TMEM132D: variants seen among roughly 807,000 people sequenced by gnomAD.
TMEM132D encodes transmembrane protein 132D.
A neutral mutation model predicts 62.3 loss-of-function variants in TMEM132D; 21 were observed. The observed-to-expected ratio is 0.34, with a 90% CI of 0.24 to 0.49. TMEM132D has a LOEUF of 0.49. TMEM132D is among the 20% of genes least tolerant of loss of function. TMEM132D has a pLI of 0.99. For missense variants in TMEM132D, 1,346 were observed against 1,402.8 expected, an observed-to-expected ratio of 0.96 and a Z score of 0.65; for synonymous variants, 621 against 575.6, an observed-to-expected ratio of 1.08 and a Z score of -1.13.
intron 1 of TMEM132D, among the ~76,000 whole-genome samples, chr12:129,815,466 C>G (rs945907982): frequency 6.6e-6 from 1 of 152,222 alleles, no homozygotes; most frequent in Admixed American, 6.5e-5. Flanking sequence ...CGAACCCAAG[C>G]CTACAGCTAT....
intron 5 of TMEM132D, chr12:129,085,994 A>G (rs1279936354): frequency 6.6e-6 from 1 of 152,228 alleles, no homozygotes; most frequent in African/African-American, 2.4e-5. Context: ...CTTGGTATCT[A>G]TAAACGTTAC....
At chr12:129,405,199 A>G (rs989296010) in intron 3 of TMEM132D, among the ~76,000 whole-genome samples, 3 of 152,072 alleles carry the variant, frequency 2.0e-5, no homozygotes, top group Admixed American at 2.0e-4. Context: ...GGTTCTGCTG[A>G]TTTGGCTCCT....
chr12:129,092,184 A>G (rs1316727173), intron 5 of TMEM132D, among the ~76,000 whole-genome samples: 1 of 152,148 alleles, frequency 6.6e-6, no homozygotes, highest in African/African-American at 2.4e-5. Context: ...ATAATCCGGC[A>G]CTTATGTGAA....
At chr12:129,811,598 C>T (rs768950196) in intron 1 of TMEM132D, among the ~76,000 whole-genome samples, 1 of 151,730 alleles carries the variant, frequency 6.6e-6, no homozygotes, top group African/African-American at 2.4e-5. Flanking sequence ...TGTGAGTGTG[C>T]GACCTTACCT....
chr12:129,606,390 T>TA (rs1878625810), intron 2 of TMEM132D, among the ~76,000 whole-genome samples: 2 of 152,106 alleles, frequency 1.3e-5, no homozygotes, highest in Non-Finnish European at 2.9e-5. Flanking sequence ...AGAGAGTCCC[T>TA]AAGTTAGCTC....
At chr12:129,257,582 C>T (rs1443918447) in intron 4 of TMEM132D, among the ~76,000 whole-genome samples, 2 of 152,306 alleles carry the variant, frequency 1.3e-5, no homozygotes, top group East Asian at 3.9e-4. Context: ...AGAAATACAT[C>T]CCCTTCCCTT....
In TMEM132D at chr12:129,837,180, T is replaced by A. The variant is rs1873033071; in HGVS notation, c.79+66081A>T. On this transcript the variant is annotated intron_variant, in intron 1 of 8. Coordinates refer to ENST00000422113, the MANE Select transcript of TMEM132D (RefSeq NM_133448.3). ...TGTGTTACCCAAGTCTAGTAATTAT[T>A]TTTTTATAGATGCTGCTTGCATTAT... Among the ~76,000 whole-genome samples the A allele has an allele frequency of 2.0e-5, 3 of 152,246 alleles. No individual in the cohort carries two copies. The South Asian group carries it at 6.2e-4, about 32-fold the overall frequency.
At chr12:129,102,136 G>T (rs773404191) in intron 5 of TMEM132D, among the ~76,000 whole-genome samples, 1 of 152,260 alleles carries the variant, frequency 6.6e-6, no homozygotes, top group Middle Eastern at 3.4e-3. Flanking sequence ...ATTTCCCTCT[G>T]TGCTGTTGGT....
intron 2 of TMEM132D, among the ~76,000 whole-genome samples, chr12:129,618,349 A>C (rs889854643): frequency 1.3e-5 from 2 of 152,226 alleles, no homozygotes; most frequent in Non-Finnish European, 2.9e-5. Context: ...TGCTTCAGCC[A>C]TCATACCAAC....
chr12:129,374,269 C>CAGAGAGAGAG (rs35178347), intron 3 of TMEM132D, among the ~76,000 whole-genome samples: 3,617 of 144,308 alleles, frequency 0.025, 130 homozygotes, highest in African/African-American at 0.067. Flanking sequence ...CCTCACACAT[C>CAGAGAGAGAG]AGAGAGAGAG....
intron 2 of TMEM132D, among the ~76,000 whole-genome samples, chr12:129,694,532 C>T (rs973534164): frequency 1.4e-4 from 22 of 152,326 alleles, no homozygotes; most frequent in African/African-American, 3.1e-4. Flanking sequence ...AACCTAACTT[C>T]GGAGTATGCG....
intron 3 of TMEM132D, among the ~76,000 whole-genome samples, chr12:129,356,247 C>T (rs796539866): frequency 6.5e-5 from 2 of 30,982 alleles, no homozygotes. Context: ...AGCTCCGCCT[C>T]CCGGGTTCAC....
chr12:129,495,722 G>A (rs190312511), intron 3 of TMEM132D, among the ~76,000 whole-genome samples: 170 of 152,250 alleles, frequency 1.1e-3, no homozygotes, highest in African/African-American at 3.2e-3. Flanking sequence ...GGGGAGTGCC[G>A]AAGGCTTTGA....
At chr12:129,245,361 G>A (rs1182430788) in intron 4 of TMEM132D, among the ~76,000 whole-genome samples, 1 of 152,148 alleles carries the variant, frequency 6.6e-6, no homozygotes, top group Admixed American at 6.5e-5. Flanking sequence ...GACTCTCAGT[G>A]TCTTCCATGT....
At chr12:129,408,133 C>T (rs1021744494) in intron 3 of TMEM132D, among the ~76,000 whole-genome samples, 1 of 152,130 alleles carries the variant, frequency 6.6e-6, no homozygotes, top group South Asian at 2.1e-4. Flanking sequence ...ACCTGACATG[C>T]ATTAGCCTTT....
chr12:129,713,675 C>T (rs1207125885), intron 1 of TMEM132D, among the ~76,000 whole-genome samples: 1 of 152,156 alleles, frequency 6.6e-6, no homozygotes, highest in Non-Finnish European at 1.5e-5. Context: ...TGAGTCCCAG[C>T]CACCATCTGT....
intron 1 of TMEM132D, among the ~76,000 whole-genome samples, chr12:129,707,585 T>C (rs1413575110): frequency 1.3e-5 from 2 of 152,188 alleles, no homozygotes; most frequent in Non-Finnish European, 2.9e-5. Flanking sequence ...GTTGAAGCTG[T>C]CCCCAATACT....
intron 1 of TMEM132D, among the ~76,000 whole-genome samples, chr12:129,837,768 A>G (rs941263392): frequency 6.6e-6 from 1 of 152,216 alleles, no homozygotes; most frequent in Non-Finnish European, 1.5e-5. Flanking sequence ...AATGAGCTAC[A>G]GCATCACAAT....
chr12:129,381,340 C>A (rs1035883138), intron 3 of TMEM132D, among the ~76,000 whole-genome samples: 1 of 152,170 alleles, frequency 6.6e-6, no homozygotes, highest in African/African-American at 2.4e-5. Context: ...GGAGATTAGG[C>A]TCTGAATGAC....
Sources: gnomAD v4.1 joint callset for allele counts (sites outside exome capture counted in the v4.1 genomes callset) on GRCh38, gnomAD v4.1.1 for gene constraint, MANE v1.5 for transcripts, NCBI Gene and HGNC (gene_info 2026-07-23, HGNC 2026-07-21) for gene names.